The following KLRG1 variants were observed in gnomAD, a reference collection of about 807,000 sequenced individuals.
KLRG1 encodes killer cell lectin-like receptor subfamily G member 1.
In KLRG1, 16 loss-of-function variants were observed where a neutral mutation model predicts 21.8. The ratio of observed to expected loss-of-function variants is 0.73; its 90% confidence interval spans 0.50 to 1.11. The LOEUF is 1.11. Ranked by LOEUF, KLRG1 falls within the 50% of genes most tolerant of loss-of-function variation. The pLI is 0.00. For synonymous variants in KLRG1, 69 were observed against 75.9 expected (o/e 0.91, Z 0.47); for missense variants, 173 against 218.3 (o/e 0.79, Z 1.31).
At chr12:9,110,914 A>G in the KLRG1 span, among the ~76,000 whole-genome samples, 4 of 152,144 alleles carry the variant, frequency 2.6e-5, no homozygotes, top group Admixed American at 6.5e-5. Flanking sequence ...ATGGATTAAC[A>G]TGTCTTAAGT....
intron 1 of KLRG1, among the ~76,000 whole-genome samples, chr12:8,979,037 A>T: frequency 1.6e-5 from 2 of 127,862 alleles, no homozygotes; most frequent in Non-Finnish European, 3.3e-5. Flanking sequence ...TTTTTTTTAG[A>T]CATATCTTGC....
the KLRG1 span, chr12:9,167,437 C>T: frequency 1.3e-5 from 2 of 152,172 alleles, no homozygotes; most frequent in African/African-American, 4.8e-5. Flanking sequence ...ATCTCCTGAT[C>T]CATGGGTTGC....
the KLRG1 span, among the ~76,000 whole-genome samples, chr12:9,092,726 G>A: frequency 1.3e-5 from 2 of 152,268 alleles, no homozygotes; most frequent in Non-Finnish European, 1.5e-5. Context: ...ATTTTAAAAT[G>A]GAAACTACCA....
the KLRG1 span, chr12:9,149,042 GC>G: frequency 6.5e-7 from 1 of 1,548,842 alleles, no homozygotes. Context: ...TTCCTGAGGA[GC>G]ATTCAGTTGA....
At chr12:9,120,208 C>T in the KLRG1 span, among the ~76,000 whole-genome samples, 7 of 152,208 alleles carry the variant, frequency 4.6e-5, no homozygotes, top group East Asian at 1.3e-3. Context: ...CAGCATCCAT[C>T]AGTGTTTCCA....
the KLRG1 span, chr12:9,068,119 A>G: frequency 3.2e-6 from 5 of 1,547,662 alleles, no homozygotes; most frequent in Non-Finnish European, 3.5e-6. Flanking sequence ...TTTATGAAGG[A>G]GAAGGTTTGG....
the KLRG1 span, among the ~76,000 whole-genome samples, chr12:9,042,597 G>A: frequency 2.0e-5 from 3 of 152,150 alleles, no homozygotes; most frequent in Non-Finnish European, 2.9e-5. Context: ...TCAGTCAAAG[G>A]TAGAGAGGGA....
At chr12:8,963,252 G>A (rs757727200) in intron 1 of KLRG1, among the ~76,000 whole-genome samples, 5 of 152,144 alleles carry the variant, frequency 3.3e-5, no homozygotes, top group Admixed American at 1.3e-4. Flanking sequence ...TTGCAAACAG[G>A]CCACTAAAAG....
At chr12:9,013,835 T>A (rs780832521), downstream of KLRG1, among the ~76,000 whole-genome samples, 1 of 152,158 alleles carries the variant, frequency 6.6e-6, no homozygotes, top group East Asian at 1.9e-4. Flanking sequence ...GGGTGGGGCA[T>A]AGCCAAACCA....
the KLRG1 span, among the ~76,000 whole-genome samples, chr12:9,130,757 A>T: frequency 1.3e-5 from 2 of 149,018 alleles, no homozygotes; most frequent in Non-Finnish European, 3.0e-5. Flanking sequence ...GTTGCCCTTC[A>T]CTCTTTTGAT....
chr12:8,988,674 G>T (rs968822124), upstream of KLRG1, among the ~76,000 whole-genome samples: 1 of 151,898 alleles, frequency 6.6e-6, no homozygotes, highest in Non-Finnish European at 1.5e-5. Context: ...TCCGCCTCCC[G>T]GTTTCAAGCC....
At chr12:9,170,540 T>G in the KLRG1 span, among the ~76,000 whole-genome samples, 1 of 152,292 alleles carries the variant, frequency 6.6e-6, no homozygotes, top group African/African-American at 2.4e-5. The surrounding 1 kb of genome is among the most constrained non-coding windows in gnomAD (Gnocchi z 4.6). Flanking sequence ...ACTCACTGTC[T>G]TGGAATCTCA....
At chr12:8,976,499 C>A (rs1251821747) in intron 1 of KLRG1, among the ~76,000 whole-genome samples, 1 of 152,086 alleles carries the variant, frequency 6.6e-6, no homozygotes, top group Non-Finnish European at 1.5e-5. Context: ...TTGTTCCAAT[C>A]AGCTGCTTTT....
At chr12:9,192,494 C>T in the KLRG1 span, 5 of 1,600,012 alleles carry the variant, frequency 3.1e-6, no homozygotes, top group Middle Eastern at 3.3e-4. Context: ...CAATTGTATT[C>T]CATGGCCTCA....
chr12:8,975,081 G>A (rs1271457474), intron 1 of KLRG1, among the ~76,000 whole-genome samples: 8 of 151,870 alleles, frequency 5.3e-5, no homozygotes, highest in Non-Finnish European at 8.8e-5. Context: ...TGTATTTTTA[G>A]TAGAGATGGA....
At chr12:9,163,776 G>A in the KLRG1 span, 1 of 1,612,182 alleles carries the variant, frequency 6.2e-7, no homozygotes, top group Middle Eastern at 1.7e-4. Flanking sequence ...CACTCACTGA[G>A]AAGTTCACAT....
At chr12:9,122,807 T>C in the KLRG1 span, among the ~76,000 whole-genome samples, 1 of 152,132 alleles carries the variant, frequency 6.6e-6, no homozygotes, top group Non-Finnish European at 1.5e-5. Flanking sequence ...AAGTTATACA[T>C]ACGTACTCTC....
the KLRG1 span, among the ~76,000 whole-genome samples, chr12:9,200,667 GT>G: frequency 6.6e-6 from 1 of 152,142 alleles, no homozygotes; most frequent in African/African-American, 2.4e-5. Flanking sequence ...AATGATGGTG[GT>G]TTCACTGAAA....
chr12:9,168,817 A>G, the KLRG1 span: 1 of 1,354,548 alleles, frequency 7.4e-7, no homozygotes, highest in Non-Finnish European at 1.1e-6. Flanking sequence ...CATTTTGGGC[A>G]TAGTAATATT....
Sources: gnomAD v4.1 joint callset for allele counts (sites outside exome capture counted in the v4.1 genomes callset) on GRCh38, gnomAD v4.1.1 for gene constraint, Gnocchi (gnomAD v3.1) non-coding constraint, MANE v1.5 for transcripts, NCBI Gene and HGNC (gene_info 2026-07-23, HGNC 2026-07-21) for gene names.